The following ANKRD6 variants were observed in gnomAD, a reference collection of about 807,000 sequenced individuals.
ANKRD6 encodes ankyrin repeat domain 6.
Under a neutral mutation model 82.3 loss-of-function variants are expected in ANKRD6, and 56 were observed. The observed-to-expected ratio is 0.68, with a 90% CI of 0.55 to 0.85. The LOEUF (loss-of-function observed/expected upper bound fraction) is 0.85, where lower values mean the gene tolerates loss of function less well. ANKRD6 is among the 40% of genes least tolerant of loss of function. The pLI, the probability that ANKRD6 is intolerant of heterozygous loss-of-function variation, is 0.00. For missense variants in ANKRD6, 852 were observed against 907.6 expected, an observed-to-expected ratio of 0.94 and a Z score of 0.79; for synonymous variants, 347 against 352.1, an observed-to-expected ratio of 0.99 and a Z score of 0.16.
chr6:89,488,160 C>A (rs1777581928), intron 1 of ANKRD6, among the ~76,000 whole-genome samples: 1 of 152,236 alleles, frequency 6.6e-6, no homozygotes, highest in Admixed American at 6.5e-5. Flanking sequence ...ATGTTGTGAC[C>A]TAGCCAGCCT....
At chr6:89,480,941 C>CA (rs372393432) in intron 1 of ANKRD6, among the ~76,000 whole-genome samples, 2 of 92,964 alleles carry the variant, frequency 2.2e-5, no homozygotes, top group Admixed American at 1.4e-4. Flanking sequence ...GACCCTGTCT[C>CA]AAAAAAAAAA....
intron 1 of ANKRD6, among the ~76,000 whole-genome samples, chr6:89,464,118 C>G (rs973501362): frequency 1.3e-5 from 2 of 152,212 alleles, no homozygotes; most frequent in African/African-American, 4.8e-5. Flanking sequence ...TTTATGAACT[C>G]TAGCTGGGGA....
At chr6:89,484,937 T>C (rs1777197944) in intron 1 of ANKRD6, among the ~76,000 whole-genome samples, 1 of 152,216 alleles carries the variant, frequency 6.6e-6, no homozygotes, top group African/African-American at 2.4e-5. Flanking sequence ...CTTAGGTGAA[T>C]GTCTTCTGGA....
chr6:89,478,992 G>A (rs2127803194), intron 1 of ANKRD6, among the ~76,000 whole-genome samples: 1 of 152,240 alleles, frequency 6.6e-6, no homozygotes, highest in East Asian at 1.9e-4. Flanking sequence ...AGTCTCTGTT[G>A]TTTAAGCCAC....
chr6:89,546,669 G>A (rs1427566072), intron 1 of ANKRD6, among the ~76,000 whole-genome samples: 1 of 152,128 alleles, frequency 6.6e-6, no homozygotes, highest in African/African-American at 2.4e-5. Flanking sequence ...CATCATGTCG[G>A]CCAGGCTGGT....
chr6:89,598,322 T>C (rs1796344657), intron 3 of ANKRD6: 1 of 984,998 alleles, frequency 1.0e-6, no homozygotes, highest in African/African-American at 1.8e-5. Context: ...GCCTCAGAAA[T>C]AGTCCAGGAT....
intron 1 of ANKRD6, among the ~76,000 whole-genome samples, chr6:89,535,211 A>AG: frequency 6.6e-6 from 1 of 152,310 alleles, no homozygotes; most frequent in Middle Eastern, 3.4e-3. Context: ...GACTTAGGAG[A>AG]GGGGGAGAAG....
intron 2 of ANKRD6, among the ~76,000 whole-genome samples, chr6:89,581,291 G>A (rs1792462993): frequency 1.3e-5 from 2 of 152,210 alleles, no homozygotes; most frequent in Admixed American, 1.3e-4. Context: ...TGCACAGTAC[G>A]ATTATGTTTG....
At position 89,629,165 on chromosome 6, in the gene ANKRD6, G is replaced by A; in HGVS notation, c.1539G>A (p.Leu513=). 4 of 1,613,708 alleles carry A rather than the reference G, an allele frequency of 2.5e-6. No individual in the cohort carries two copies. Among genetic ancestry groups the A allele is most frequent in the Non-Finnish European group, 3.4e-6 (4 of 1,179,788 alleles). The part of the protein sequence containing the change: ...KTWCMLKIQN[L]EQKLSGDSRA... The stretch of plus-strand genomic sequence containing the variant: ...GGTGCATGTTAAAGATTCAGAATCT[G>A]GAGCAGAAGCTTTCTGGAGATTCTA... The change falls in exon 15 of 16, where the codon CTG becomes CTA. Residue 513 remains leucine, a synonymous_variant. Coordinates refer to ENST00000339746, the MANE Select transcript of ANKRD6 (RefSeq NM_001242809.2).
At chr6:89,572,337 A>G (rs1000234180) in intron 2 of ANKRD6, among the ~76,000 whole-genome samples, 6 of 152,204 alleles carry the variant, frequency 3.9e-5, no homozygotes, top group Non-Finnish European at 5.9e-5. Flanking sequence ...TTGTTTTGTA[A>G]GAAACTGCCA....
chr6:89,614,443 CAAG>C (rs1363494323), intron 7 of ANKRD6, among the ~76,000 whole-genome samples: 6 of 152,092 alleles, frequency 3.9e-5, no homozygotes, highest in African/African-American at 1.4e-4. Flanking sequence ...TTCAGGAGTT[CAAG>C]ACCGGCCTGG....
At chr6:89,564,748 G>A (rs2128061259) in intron 1 of ANKRD6, among the ~76,000 whole-genome samples, 1 of 152,228 alleles carries the variant, frequency 6.6e-6, no homozygotes, top group South Asian at 2.1e-4. Flanking sequence ...GAAAATGTTT[G>A]TATGAACTGG....
At chr6:89,448,617 C>G (rs536305736) in intron 1 of ANKRD6, among the ~76,000 whole-genome samples, 1 of 152,172 alleles carries the variant, frequency 6.6e-6, no homozygotes, top group African/African-American at 2.4e-5. Flanking sequence ...GACAATGTAC[C>G]TAGTCACCCA....
chr6:89,549,926 A>T (rs886419804), intron 1 of ANKRD6, among the ~76,000 whole-genome samples: 1 of 151,324 alleles, frequency 6.6e-6, no homozygotes, highest in Non-Finnish European at 1.5e-5. Flanking sequence ...AAAAAAGAAA[A>T]GAAAAAAAAA....
rs937465419 is a variant in ANKRD6, at chr6:89,567,124, A to G, written c.120+28A>G. 4.5e-6 allele frequency: 7 copies of G among 1,560,878 alleles called. No homozygotes were observed. In the African/African-American group the frequency reaches 9.5e-5, roughly 21 times the overall value. On this transcript the variant is annotated intron_variant, in intron 2 of 15. Transcript: ENST00000339746. ...AACAAGAGAAAAATACGCTGTAGCC[A>G]TTCCCTGGGAACTGGCCTACCTCTT...
intron 1 of ANKRD6, among the ~76,000 whole-genome samples, chr6:89,564,419 G>C (rs527433688): frequency 6.6e-6 from 1 of 152,330 alleles, no homozygotes; most frequent in South Asian, 2.1e-4. Flanking sequence ...AATGTGGGCT[G>C]TGCTTGCAAA....
chr6:89,497,666 CTCTGTGTA>C (rs1252602927), intron 1 of ANKRD6, among the ~76,000 whole-genome samples: 3 of 152,120 alleles, frequency 2.0e-5, no homozygotes, highest in African/African-American at 7.2e-5. Flanking sequence ...CTCTCTCTCT[CTCTGTGTA>C]TCTGTGTATC....
chr6:89,624,503 A>C, intron 12 of ANKRD6, 36 bp from the exon 13 acceptor site: 23 of 1,549,948 alleles, frequency 1.5e-5, no homozygotes, highest in Non-Finnish European at 1.9e-5. Flanking sequence ...TGAAGGAATG[A>C]ACAAGGGATT....
chr6:89,547,406 T>A (rs1215562967), intron 1 of ANKRD6, among the ~76,000 whole-genome samples: 2 of 152,178 alleles, frequency 1.3e-5, no homozygotes, highest in East Asian at 3.9e-4. Flanking sequence ...ATGTTGATGC[T>A]CTTGCCCATG....
Sources: gnomAD v4.1 joint callset for allele counts (sites outside exome capture counted in the v4.1 genomes callset) on GRCh38, gnomAD v4.1.1 for gene constraint, MANE v1.5 for transcripts, NCBI Gene and HGNC (gene_info 2026-07-23, HGNC 2026-07-21) for gene names.